WDR89: variants seen among roughly 807,000 people sequenced by gnomAD.
WDR89 encodes WD repeat domain 89, also known as WD repeat-containing protein 89.
Under a neutral mutation model 29.1 loss-of-function variants are expected in WDR89, and 17 were observed. The ratio of observed to expected loss-of-function variants is 0.58; its 90% CI spans 0.40 to 0.88. The LOEUF (loss-of-function observed/expected upper bound fraction) is 0.88. Among genes scored for constraint, WDR89 ranks in the 40% least tolerant of loss-of-function variants. The pLI is 0.00. For synonymous variants in WDR89, 138 were observed against 157.8 expected, an observed-to-expected ratio of 0.87 and a Z score of 0.94; for missense variants, 396 against 456.3, an observed-to-expected ratio of 0.87 and a Z score of 1.20.
At chr14:63,602,726 C>T (rs12881344) in intron 2 of WDR89, among the ~76,000 whole-genome samples, 8 of 150,424 alleles carry the variant, frequency 5.3e-5, no homozygotes, top group Admixed American at 2.6e-4. Context: ...GAGCCGAGAT[C>T]GCGCCGTTGC....
chr14:63,633,932 A>T (rs1483160795), intron 1 of WDR89, among the ~76,000 whole-genome samples: 1 of 152,230 alleles, frequency 6.6e-6, no homozygotes, highest in Non-Finnish European at 1.5e-5. Flanking sequence ...AATTAGACTT[A>T]AGCTATCAAA....
chr14:63,636,299 A>C lies in WDR89; in HGVS notation c.-138+5505T>G, dbSNP rs151158366. ...ACAAATGGAAACACATCCCATGTTC[A>C]TGGACGGGTAGAATCAGTATTGTGA... On this transcript the variant is annotated intron_variant, in intron 1 of 2. Transcript: ENST00000620954. 1.6e-3 allele frequency among the ~76,000 whole-genome samples: 238 copies of C among 152,366 alleles called. 1 individual carries two copies. Among genetic ancestry groups the C allele is most frequent in the African/African-American group, 5.5e-3 (230 of 41,592 alleles).
intron 1 of WDR89, among the ~76,000 whole-genome samples, chr14:63,639,153 G>A (rs1021545280): frequency 1.3e-5 from 2 of 152,084 alleles, no homozygotes; most frequent in Admixed American, 6.6e-5. Context: ...GCCTCCAGAA[G>A]GAATTGGGCC....
At chr14:63,605,265 C>T (rs1320217711) in intron 2 of WDR89, among the ~76,000 whole-genome samples, 3 of 150,386 alleles carry the variant, frequency 2.0e-5, no homozygotes, top group African/African-American at 7.5e-5. Context: ...GTTCCATCAT[C>T]TAATTGTGGT....
At chr14:63,603,008 G>A (rs531548963) in intron 2 of WDR89, among the ~76,000 whole-genome samples, 7 of 151,974 alleles carry the variant, frequency 4.6e-5, no homozygotes, top group African/African-American at 1.4e-4. Flanking sequence ...CGCCTGCCTC[G>A]GCCTCCCAAA....
intron 1 of WDR89, among the ~76,000 whole-genome samples, chr14:63,639,357 C>CA (rs777712423): frequency 0.18 from 11,623 of 64,124 alleles, 1,061 homozygotes; most frequent in African/African-American, 0.34. Context: ...TCATCTCTAC[C>CA]AAAAAAAAAA....
intron 1 of WDR89, among the ~76,000 whole-genome samples, chr14:63,637,146 C>G (rs1381969833): frequency 2.0e-5 from 3 of 152,136 alleles, no homozygotes; most frequent in African/African-American, 7.2e-5. Flanking sequence ...AAATGGCCAA[C>G]AAACCTATGA....
chr14:63,609,531 G>A (rs1595021408), intron 2 of WDR89, among the ~76,000 whole-genome samples: 1 of 152,174 alleles, frequency 6.6e-6, no homozygotes, highest in African/African-American at 2.4e-5. Flanking sequence ...GTTCACGCCT[G>A]TAATCCCAGC....
rs61984034 is a variant in WDR89, at chr14:63,606,880, T to C, written c.-31-6907A>G. On this transcript the variant is annotated intron_variant, in intron 2 of 2. Coordinates refer to ENST00000620954, the MANE Select transcript of WDR89 (RefSeq NM_080666.4). ...CTCTCATAGCTACTAAGTGAACATA[T>C]TGGAGGAGTCTGGTTTGAAATTCAA... Among the ~76,000 whole-genome samples the C allele has an allele frequency of 4.4e-3, 665 of 152,300 alleles. 5 individuals carry two copies. Among genetic ancestry groups the C allele is most frequent in the Non-Finnish European group, 6.6e-3 (448 of 68,016 alleles).
chr14:63,627,150 A>ACTCTCACT (rs1883122267), intron 1 of WDR89, among the ~76,000 whole-genome samples: 1 of 127,188 alleles, frequency 7.9e-6, no homozygotes, highest in Non-Finnish European at 1.6e-5. Context: ...ACACACACAC[A>ACTCTCACT]CTCTCTCTCT....
At chr14:63,618,763 T>C (rs1882148419) in intron 2 of WDR89, among the ~76,000 whole-genome samples, 1 of 152,150 alleles carries the variant, frequency 6.6e-6, no homozygotes, top group Non-Finnish European at 1.5e-5. Context: ...CCAAGCCACA[T>C]TATCTTGAAA....
intron 2 of WDR89, among the ~76,000 whole-genome samples, chr14:63,612,506 G>A (rs758079639): frequency 2.1e-4 from 32 of 151,910 alleles, no homozygotes; most frequent in Admixed American, 7.9e-4. Context: ...CTCCTAAGTA[G>A]CTGGGATTAC....
rs35230660 is a variant in WDR89, at chr14:63,627,150, ACTCTCTCTCT to A, written c.-137-2127_-137-2118del. 3.0e-3 allele frequency among the ~76,000 whole-genome samples: 384 copies of A among 127,256 alleles called. 4 individuals carry two copies. Among genetic ancestry groups the A allele is most frequent in the African/African-American group, 0.011 (341 of 31,386 alleles). 83.5% of individuals were successfully genotyped at this position (127,256 alleles called of 152,430 possible). ...CACACACACACACACACACACACAC[ACTCTCTCTCT>A]CTCTCTCTCTCTCTCTCTCTCTCCT... On this transcript the variant is annotated intron_variant, in intron 1 of 2. Coordinates refer to ENST00000620954, the MANE Select transcript of WDR89 (RefSeq NM_080666.4).
At chr14:63,606,799 T>C (rs1895343818) in intron 2 of WDR89, among the ~76,000 whole-genome samples, 1 of 152,200 alleles carries the variant, frequency 6.6e-6, no homozygotes, top group Non-Finnish European at 1.5e-5. Flanking sequence ...GAGGCAGATA[T>C]TATTATCACT....
At chr14:63,615,393 A>C (rs1397778228) in intron 2 of WDR89, among the ~76,000 whole-genome samples, 1 of 152,256 alleles carries the variant, frequency 6.6e-6, no homozygotes, top group Non-Finnish European at 1.5e-5. Flanking sequence ...TTGGTACTAC[A>C]TGTTTACTAT....
chr14:63,637,807 G>A (rs761277563), intron 1 of WDR89, among the ~76,000 whole-genome samples: 2 of 152,160 alleles, frequency 1.3e-5, no homozygotes, highest in Non-Finnish European at 2.9e-5. Context: ...TTGGCCGGGG[G>A]AGGGGGGGCA....
chr14:63,616,535 G>T (rs983318604), intron 2 of WDR89, among the ~76,000 whole-genome samples: 1 of 152,188 alleles, frequency 6.6e-6, no homozygotes, highest in Non-Finnish European at 1.5e-5. Flanking sequence ...CTTCCCCCAT[G>T]AGGTGACATT....
chr14:63,633,778 A>C (rs1167705961), intron 1 of WDR89, among the ~76,000 whole-genome samples: 1 of 152,228 alleles, frequency 6.6e-6, no homozygotes, highest in East Asian at 1.9e-4. Context: ...AGAAATAACA[A>C]ACAAAAGGCA....
intron 1 of WDR89, among the ~76,000 whole-genome samples, chr14:63,632,429 A>G (rs1387891127): frequency 1.3e-5 from 2 of 152,054 alleles, no homozygotes; most frequent in South Asian, 4.2e-4. Context: ...CCAGGAGTTC[A>G]AGACCAGCCT....
Sources: allele counts gnomAD v4.1 joint callset (sites outside exome capture counted in the v4.1 genomes callset), GRCh38; gene constraint gnomAD v4.1.1; transcripts MANE v1.5; gene names NCBI Gene and HGNC (gene_info 2026-07-23, HGNC 2026-07-21).